Variants in SND1 observed in about 807,000 individuals in gnomAD.
SND1 encodes staphylococcal nuclease domain-containing protein 1.
SND1 carries 38 observed loss-of-function variants against 121.7 expected under a neutral mutation model. The ratio of observed to expected loss-of-function variants is 0.31; its 90% CI spans 0.24 to 0.41. The LOEUF (loss-of-function observed/expected upper bound fraction) is 0.41. Ranked by LOEUF, SND1 falls within the 10% of genes least tolerant of loss-of-function variation. SND1 has a pLI of 1.00. For missense variants in SND1, 868 were observed against 1,184.6 expected (o/e 0.73, Z 3.92); for synonymous variants, 401 against 447.4 (o/e 0.90, Z 1.31).
intron 9 of SND1, chr7:127,718,761 G>A: frequency 1.0e-6 from 1 of 985,008 alleles, no homozygotes; most frequent in Non-Finnish European, 1.2e-6. Flanking sequence ...AGGTAAAGGT[G>A]TGAGCACTAT....
At chr7:127,997,703 C>A (rs568958618) in intron 16 of SND1, 4 of 530,776 alleles carry the variant, frequency 7.5e-6, no homozygotes, top group South Asian at 5.6e-5. Context: ...TATGTCTCAC[C>A]ACCCCCACTC....
chr7:127,720,983 G>C (rs1327637740), intron 9 of SND1, among the ~76,000 whole-genome samples: 1 of 152,116 alleles, frequency 6.6e-6, no homozygotes, highest in Non-Finnish European at 1.5e-5. Flanking sequence ...TGTAGAGACA[G>C]GATTTCCAGT....
intron 12 of SND1, among the ~76,000 whole-genome samples, chr7:127,849,685 G>A (rs1584616394): frequency 1.3e-5 from 2 of 152,210 alleles, no homozygotes; most frequent in East Asian, 3.8e-4. Context: ...AACCTTGAAA[G>A]GTGAGCAAGT....
At chr7:127,876,093 A>G (rs1412538758) in intron 12 of SND1, among the ~76,000 whole-genome samples, 1 of 151,916 alleles carries the variant, frequency 6.6e-6, no homozygotes, top group Non-Finnish European at 1.5e-5. Context: ...TCCCCTAACC[A>G]TTTCCTTTTC....
intron 16 of SND1, among the ~76,000 whole-genome samples, chr7:128,006,349 G>A (rs952270214): frequency 6.6e-6 from 1 of 152,144 alleles, no homozygotes; most frequent in African/African-American, 2.4e-5. Flanking sequence ...GTTTTGACCA[G>A]CCTCACTGGG....
At chr7:127,928,575 CTTTT>C (rs1800896885) in intron 14 of SND1, among the ~76,000 whole-genome samples, 1 of 145,254 alleles carries the variant, frequency 6.9e-6, no homozygotes, top group African/African-American at 2.5e-5. Flanking sequence ...CTTACCTCAA[CTTTT>C]TTTTCTTTCT....
intron 3 of SND1, 138 bp from the exon 4 acceptor site, chr7:127,698,737 T>C: frequency 1.5e-6 from 1 of 680,780 alleles, no homozygotes; most frequent in Admixed American, 2.5e-5. Context: ...AACCCAATGC[T>C]ACATTGCTGC....
intron 16 of SND1, among the ~76,000 whole-genome samples, chr7:128,017,741 A>G (rs915782196): frequency 6.6e-6 from 1 of 152,244 alleles, no homozygotes; most frequent in Non-Finnish European, 1.5e-5. Flanking sequence ...TGCAGCAGCG[A>G]AGCCTGAACT....
chr7:127,989,480 C>T (rs1802471057), intron 15 of SND1, among the ~76,000 whole-genome samples: 1 of 152,160 alleles, frequency 6.6e-6, no homozygotes, highest in African/African-American at 2.4e-5. Flanking sequence ...CAGCACCTAG[C>T]TTTATTCATA....
intron 14 of SND1, among the ~76,000 whole-genome samples, chr7:127,909,484 C>G: frequency 6.6e-6 from 1 of 150,424 alleles, no homozygotes; most frequent in Non-Finnish European, 1.5e-5. Context: ...CGGAGTCTCA[C>G]TTTATCACCA....
At chr7:128,059,650 C>T (rs1201837979) in intron 16 of SND1, among the ~76,000 whole-genome samples, 1 of 152,228 alleles carries the variant, frequency 6.6e-6, no homozygotes, top group Non-Finnish European at 1.5e-5. Context: ...AGATGCAGTG[C>T]TGAACCACAA....
chr7:127,742,905 T>C (rs1796910597), intron 10 of SND1, among the ~76,000 whole-genome samples: 1 of 152,162 alleles, frequency 6.6e-6, no homozygotes, highest in African/African-American at 2.4e-5. Flanking sequence ...CCCCTTTGAC[T>C]TGTTCTTTAC....
rs369617963 is a variant in SND1, at chr7:127,690,759, C to T, written c.228+3997C>T. ...TGAAAGATTGTGCAATGTGGCACTACGCTTTCTCTCTGGCTTTCTATTTCT... is the reference window on the plus strand; with the variant it reads ...TGAAAGATTGTGCAATGTGGCACTATGCTTTCTCTCTGGCTTTCTATTTCT... On this transcript the variant is annotated intron_variant, in intron 2 of 23. Transcript: ENST00000354725. 2.2e-4 allele frequency among the ~76,000 whole-genome samples: 33 copies of T among 152,314 alleles called. No individual in the cohort carries two copies. The South Asian group carries it at 2.9e-3, about 13-fold the overall frequency.
chr7:127,687,946 A>T (rs1291608457), intron 2 of SND1, among the ~76,000 whole-genome samples: 2 of 151,944 alleles, frequency 1.3e-5, no homozygotes, highest in Non-Finnish European at 2.9e-5. Flanking sequence ...CCTCGCCCTA[A>T]AGTACTGGGA....
At chr7:127,863,144 G>A (rs1415642271) in intron 12 of SND1, among the ~76,000 whole-genome samples, 4 of 152,216 alleles carry the variant, frequency 2.6e-5, no homozygotes, top group East Asian at 3.9e-4. Context: ...AGCAGTGACC[G>A]CCAACATATA....
chr7:127,702,431 A>T lies in SND1; in HGVS notation c.590-4A>T, dbSNP rs759391948. 1.3e-5 allele frequency: 21 copies of T among 1,613,792 alleles called. No homozygotes were observed. The East Asian group carries it at 3.3e-4, about 26-fold the overall frequency. ...GGACTTAAGCTGTTTATTCTGTCAC[A>T]CAGCTATCATCGAGCATGTGCGGGA... On this transcript the variant is annotated splice_region_variant and splice_polypyrimidine_tract_variant and intron_variant, in intron 5 of 23. Coordinates refer to ENST00000354725, the MANE Select transcript of SND1 (RefSeq NM_014390.4).
At chr7:127,764,415 T>TG (rs1443826855) in intron 10 of SND1, among the ~76,000 whole-genome samples, 2 of 152,206 alleles carry the variant, frequency 1.3e-5, no homozygotes, top group African/African-American at 4.8e-5. Flanking sequence ...TGGCTTTTCA[T>TG]GGTCCTTAAC....
intron 9 of SND1, among the ~76,000 whole-genome samples, chr7:127,708,477 C>T (rs1286364493): frequency 6.6e-6 from 1 of 151,656 alleles, no homozygotes; most frequent in African/African-American, 2.4e-5. Flanking sequence ...TTTCAACTTA[C>T]AGCATTTTCA....
chr7:127,658,132 C>T (rs1250433448), intron 1 of SND1, among the ~76,000 whole-genome samples: 1 of 151,946 alleles, frequency 6.6e-6, no homozygotes, highest in Non-Finnish European at 1.5e-5. Context: ...ACCAACATGG[C>T]GAAACCCTAT....
Sources: allele counts gnomAD v4.1 joint callset (sites outside exome capture counted in the v4.1 genomes callset), GRCh38; gene constraint gnomAD v4.1.1; transcripts MANE v1.5; gene names NCBI Gene and HGNC (gene_info 2026-07-23, HGNC 2026-07-21).